PACS2: variants seen among roughly 807,000 people sequenced by gnomAD.
PACS2 encodes the protein PACS1-like protein.
Under a neutral mutation model 113.0 loss-of-function variants are expected in PACS2, and 36 were observed. The observed-to-expected ratio is 0.32, with a 90% confidence interval of 0.24 to 0.42. The LOEUF is 0.42. Among genes scored for constraint, PACS2 ranks in the 10% least tolerant of loss-of-function variants. The probability of loss-of-function intolerance (pLI) is 1.00; values close to 1 mark genes in which losing one functional copy is unlikely to be tolerated. For missense variants in PACS2, 1,015 were observed against 1,239.5 expected (o/e 0.82, Z 2.72); for synonymous variants, 589 against 536.1 (o/e 1.10, Z -1.36).
chr14:105,362,222 TC>T (rs1377603340), intron 4 of PACS2, among the ~76,000 whole-genome samples: 2 of 150,176 alleles, frequency 1.3e-5, no homozygotes, highest in Admixed American at 1.3e-4. Flanking sequence ...ATCAAGACCA[TC>T]CTGGCTAACA....
chr14:105,323,249 T>A lies in PACS2; in HGVS notation c.119+8212T>A, dbSNP rs1471421030. Among the ~76,000 whole-genome samples the A allele has an allele frequency of 6.6e-6, 1 of 152,176 alleles. No individual in the cohort carries two copies. Among genetic ancestry groups the A allele is most frequent in the East Asian group, 1.9e-4 (1 of 5,202 alleles). ...CTGCTGTTGGTTCTGCGCTATTCTCTCTCTCACCTCTGGAGCAACAATTGG... is the reference window on the plus strand; with the variant it reads ...CTGCTGTTGGTTCTGCGCTATTCTCACTCTCACCTCTGGAGCAACAATTGG... On this transcript the variant is annotated intron_variant, in intron 1 of 24. Coordinates refer to ENST00000447393, the MANE Select transcript of PACS2 (RefSeq NM_001100913.3). This position sits in a 1 kb window ranked among gnomAD's most constrained non-coding sequence, Gnocchi z 4.1.
chr14:105,320,807 T>A (rs368584715), intron 1 of PACS2, among the ~76,000 whole-genome samples: 3 of 152,254 alleles, frequency 2.0e-5, no homozygotes, highest in Non-Finnish European at 4.4e-5. Flanking sequence ...GTATAGCTTA[T>A]GTAAAATTGG....
chr14:105,360,607 T>C (rs933276807), intron 4 of PACS2, among the ~76,000 whole-genome samples: 1 of 151,562 alleles, frequency 6.6e-6, no homozygotes, highest in Non-Finnish European at 1.5e-5. Context: ...GTTGTAACCC[T>C]TTGGCTGGTG....
chr14:105,331,079 C>G (rs1035069934), intron 1 of PACS2, among the ~76,000 whole-genome samples: 4 of 152,022 alleles, frequency 2.6e-5, no homozygotes, highest in Non-Finnish European at 5.9e-5. Context: ...CTCAGCCTCC[C>G]GAGTAGCTGG....
Position 105,315,068 on chromosome 14 carries a change from C to G in PACS2, c.119+31C>G. On this transcript the variant is annotated intron_variant, in intron 1 of 24. Transcript: ENST00000447393. This position sits in a 1 kb window ranked among gnomAD's most constrained non-coding sequence, Gnocchi z 4.4. ...CGCCGCCCGCCGCGCTTTGTTCCCG[C>G]CGGGCACCTGCTGGGGGTGTCCTGG... is the stretch of plus-strand genomic sequence containing the variant. The G allele has an allele frequency of 8.8e-7, 1 of 1,132,920 alleles. No individual in the cohort carries two copies. The highest frequency in any genetic ancestry group is 1.1e-6 in the Non-Finnish European group (1 of 916,950). The allele number at this position is 1,132,920 out of a possible 1,614,324, so 70.2% of individuals were successfully genotyped here. A position where few individuals can be genotyped will look rare whatever the true frequency, so the allele number is the denominator to read the frequency against.
chr14:105,391,737 G>A lies in PACS2; in HGVS notation c.2226G>A (p.Pro742=), dbSNP rs1429229594. The change falls in exon 22 of 25, where the codon CCG becomes CCA. Residue 742 remains proline (P), a synonymous_variant. Coordinates refer to ENST00000447393, the MANE Select transcript of PACS2 (RefSeq NM_001100913.3). ...CCTCACCCACCCCGCCCTCCTCCCC[G>A]TCGGTGAGCGGAGGCCTGTCCTCCC... is the stretch of plus-strand genomic sequence containing the variant. ...KEASPTPPSS[P]SVSGGLSSPS... is the part of the protein sequence containing the mutation. The A allele has an allele frequency of 1.3e-5, 21 of 1,595,714 alleles. No homozygotes were observed. The highest frequency in any genetic ancestry group is 5.7e-5 in the South Asian group (5 of 88,088).
At chr14:105,368,248 G>T (rs1555408467) in intron 6 of PACS2, 101 bp downstream of exon 6, 6 of 916,186 alleles carry the variant, frequency 6.5e-6, no homozygotes, top group Non-Finnish European at 1.0e-5. Flanking sequence ...CGTGAGGGTG[G>T]GTGAGCCACG....
chr14:105,349,014 G>A (rs2060049777), intron 2 of PACS2, among the ~76,000 whole-genome samples: 1 of 152,234 alleles, frequency 6.6e-6, no homozygotes, highest in African/African-American at 2.4e-5. Flanking sequence ...TGGTGCCAGG[G>A]CCTCTCTCCT....
chr14:105,335,462 C>T (rs1014801711), intron 1 of PACS2, among the ~76,000 whole-genome samples: 2 of 152,066 alleles, frequency 1.3e-5, no homozygotes, highest in African/African-American at 2.4e-5. Flanking sequence ...CTGTGGCCGG[C>T]GCCTGGCATG....
Position 105,348,659 on chromosome 14 carries a change from C to G in PACS2, c.207+79C>G, listed in dbSNP as rs587671723. 8.4e-6 allele frequency: 9 copies of G among 1,067,910 alleles called. No individual in the cohort carries two copies. In the African/African-American group the frequency reaches 1.4e-4, roughly 17 times the overall value. The allele number at this position is 1,067,910 out of a possible 1,614,324, so 66.2% of individuals were successfully genotyped here. ...TGCCTGGGAGACGAGTCAGGCGGTG[C>G]GCTACTGTGGGGCCTTGTGCCAAAA... On this transcript the variant is annotated intron_variant, in intron 2 of 24. Coordinates refer to ENST00000447393, the MANE Select transcript of PACS2 (RefSeq NM_001100913.3). The surrounding 1 kb of genome is among the most constrained non-coding windows in gnomAD (Gnocchi z 6.4).
At chr14:105,344,296 T>G (rs1295800496) in intron 1 of PACS2, among the ~76,000 whole-genome samples, 2 of 151,752 alleles carry the variant, frequency 1.3e-5, no homozygotes, top group Non-Finnish European at 2.9e-5. Context: ...AATTAATTAA[T>G]TGATTTATTT....
rs782030801 is a variant in PACS2 at position 105,392,610 on chromosome 14, C to T, written c.2256-9C>T. The T allele has an allele frequency of 1.4e-5, 23 of 1,595,736 alleles. No homozygotes were observed. The highest frequency in any genetic ancestry group is 2.3e-5 in the South Asian group (2 of 88,556). ...TGCAGGTGTGAATGCCTCCCTCTGC[C>T]TTTCCCAGCCAGGGTGTCGGCGCCG... On this transcript the variant is annotated splice_polypyrimidine_tract_variant and intron_variant, in intron 22 of 24. Transcript: ENST00000447393.
intron 15 of PACS2, chr14:105,383,152 G>T: frequency 1.5e-6 from 1 of 654,316 alleles, no homozygotes. Context: ...GTCCTTGGAA[G>T]CCTGGGCTGA....
chr14:105,327,457 A>G (rs2059158377), intron 1 of PACS2, among the ~76,000 whole-genome samples: 2 of 152,014 alleles, frequency 1.3e-5, no homozygotes, highest in Non-Finnish European at 2.9e-5. Flanking sequence ...AAGTGGTGAC[A>G]GGGGGCTGGG....
Position 105,376,315 on chromosome 14 carries a change from C to T in PACS2, c.802-453C>T, listed in dbSNP as rs1293446178. Among the ~76,000 whole-genome samples, 6 of 151,824 alleles carry T rather than the reference C, an allele frequency of 4.0e-5. No individual in the cohort carries two copies. The highest frequency in any genetic ancestry group is 8.8e-5 in the Non-Finnish European group (6 of 67,984). On this transcript the variant is annotated intron_variant, in intron 8 of 24. Transcript: ENST00000447393. The surrounding 1 kb of genome is among the most constrained non-coding windows in gnomAD (Gnocchi z 4.7). Reference sequence around the variant, plus strand: ...AGGCCACATGATTCCTTTTGGGTAGCACTCGGGAAAGGGCAGAATGTACAG... The same window carrying T: ...AGGCCACATGATTCCTTTTGGGTAGTACTCGGGAAAGGGCAGAATGTACAG...
In PACS2 at chr14:105,384,423, C is replaced by G. The variant is rs1427987855; in HGVS notation, c.1851C>G (p.Ala617=). Residue 617 remains alanine (A), a synonymous_variant, in exon 17 of 25, where the codon GCC becomes GCG. Coordinates refer to ENST00000447393, the MANE Select transcript of PACS2 (RefSeq NM_001100913.3). The part of the protein sequence containing the change: ...YRYNNFFQDL[A]WRDLFNKLEA... ...ACAACAACTTCTTCCAGGACCTGGC[C>G]TGGAGAGACCTGTTCAACAAGCTGG... The G allele has an allele frequency of 2.5e-6, 4 of 1,612,326 alleles. No individual in the cohort carries two copies. The East Asian group carries it at 8.9e-5, about 36-fold the overall frequency.
Position 105,308,471 on chromosome 14 carries a change from C to T in PACS2, c.-83+7492C>T, listed in dbSNP as rs587607727. Among the ~76,000 whole-genome samples, 30 of 148,286 alleles carry T rather than the reference C, an allele frequency of 2.0e-4. 1 individual carries two copies. In the East Asian group the frequency reaches 5.8e-3, roughly 29 times the overall value. ...TACTCCAGCCTGGGCACGACAGAGG[C>T]AGATTCTGTCTTTTTTTTTTTTTTT... On this transcript the variant is annotated intron_variant, in intron 1 of 23. Transcript: ENST00000430725.
At position 105,355,321 on chromosome 14, in the gene PACS2, C is replaced by T. The variant is rs1307601433; in HGVS notation, c.423+144C>T. 9.6e-6 allele frequency: 10 copies of T among 1,045,628 alleles called. No individual in the cohort carries two copies. The East Asian group carries it at 1.6e-4, about 17-fold the overall frequency. The allele number at this position is 1,045,628 out of a possible 1,614,324, so 64.8% of individuals were successfully genotyped here. ...GATGAGAGGAGCCTGGGCGGCCGGG[C>T]TCCGCCATAAGGGCCAGGTGCGGCC... On this transcript the variant is annotated intron_variant, in intron 4 of 24. Coordinates refer to ENST00000447393, the MANE Select transcript of PACS2 (RefSeq NM_001100913.3). This position sits in a 1 kb window ranked among gnomAD's most constrained non-coding sequence, Gnocchi z 4.1.
chr14:105,387,962 G>A (rs116220394), intron 19 of PACS2, among the ~76,000 whole-genome samples: 24 of 152,386 alleles, frequency 1.6e-4, no homozygotes, highest in South Asian at 1.2e-3. Flanking sequence ...CAAAGGCCAC[G>A]TCCAGGCACT....
Sources: allele counts gnomAD v4.1 joint callset (sites outside exome capture counted in the v4.1 genomes callset), GRCh38; gene constraint gnomAD v4.1.1; non-coding constraint Gnocchi (gnomAD v3.1); transcripts MANE v1.5; gene names NCBI Gene and HGNC (gene_info 2026-07-23, HGNC 2026-07-21).